PPDPF: variants seen among roughly 807,000 people sequenced by gnomAD.
PPDPF encodes pancreatic progenitor cell differentiation and proliferation factor.
PPDPF carries 11 observed loss-of-function variants against 6.3 expected under a neutral mutation model. The observed-to-expected ratio is 1.76, with a 90% CI of 1.11 to 2.91. The LOEUF (loss-of-function observed/expected upper bound fraction) is 2.91, where lower values mean the gene tolerates loss of function less well. PPDPF is among the 30% of genes most tolerant of loss of function. The pLI, the probability that PPDPF is intolerant of heterozygous loss-of-function variation, is 0.00. For synonymous variants in PPDPF, 86 were observed against 64.5 expected, an observed-to-expected ratio of 1.33 and a Z score of -1.60; for missense variants, 202 against 159.4, an observed-to-expected ratio of 1.27 and a Z score of -1.44.
intron 1 of PPDPF, 39 bp from the exon 2 acceptor site, chr20:63,521,245 G>T: frequency 2.6e-6 from 4 of 1,509,726 alleles, no homozygotes; most frequent in South Asian, 2.4e-5. Flanking sequence ...CATGACGGAA[G>T]GCCGCTGACC....
In PPDPF at chr20:63,521,945, C is replaced by T. The variant is rs1600925343; in HGVS notation, c.*66C>T. On this transcript the variant is annotated 3_prime_UTR_variant, in exon 4 of 4. Coordinates refer to ENST00000370179, the MANE Select transcript of PPDPF (RefSeq NM_024299.4). ...AGTCCACCAGAGCCCCTCCCCGCCC[C>T]TCTCCCCACTCCGCATCCCTCGCCC... 4.8e-6 allele frequency: 6 copies of T among 1,262,678 alleles called. No homozygotes were observed. The South Asian group carries it at 5.7e-5, about 12-fold the overall frequency. The allele number at this position is 1,262,678 out of a possible 1,614,324, so 78.2% of individuals were successfully genotyped here. A position where few individuals can be genotyped will look rare whatever the true frequency, so the allele number is the denominator to read the frequency against.
At position 63,521,752 on chromosome 20, in the gene PPDPF, A is replaced by G; in HGVS notation, c.218A>G (p.Glu73Gly). The change falls in exon 4 of 4, where the codon GAG (glutamate) becomes GGG (glycine). Residue 73 changes from glutamate to glycine, a missense_variant. Glu to Gly is a moderately conservative substitution (Grantham distance 98). Coordinates refer to ENST00000370179, the MANE Select transcript of PPDPF (RefSeq NM_024299.4). The stretch of plus-strand genomic sequence containing the variant: ...CTCCCGTTCATGGCCACGGTGTTGG[A>G]GTCCGCAGAGCACTCGGAACCTCCC... ...STLPFMATVLESAEHSEPPQA... is the reference protein window; with the variant it reads ...STLPFMATVLGSAEHSEPPQA... The G allele has an allele frequency of 6.2e-7, 1 of 1,613,018 alleles. No homozygotes were observed. Among genetic ancestry groups the G allele is most frequent in the Non-Finnish European group, 8.5e-7 (1 of 1,179,994 alleles).
rs1416156727 is a variant in PPDPF, at chr20:63,521,004, G to T, written c.-26+110G>T. 3 of 899,636 alleles carry T rather than the reference G, an allele frequency of 3.3e-6. No individual in the cohort carries two copies. In the African/African-American group the frequency reaches 5.3e-5, roughly 16 times the overall value. The allele number at this position is 899,636 out of a possible 1,614,324, so 55.7% of individuals were successfully genotyped here. A position where few individuals can be genotyped will look rare whatever the true frequency, so the allele number is the denominator to read the frequency against. On this transcript the variant is annotated intron_variant, in intron 1 of 3. Transcript: ENST00000370179. ...CTCCGCCTGGCGAGCGCTGGGCTCG[G>T]GGTCCCCGGCGGGCTCCTCTCGGGT...
At chr20:63,521,442 G>T in intron 2 of PPDPF, 70 bp from the exon 3 acceptor site, 4 of 1,577,672 alleles carry the variant, frequency 2.5e-6, no homozygotes, top group Non-Finnish European at 3.5e-6. Context: ...CGGAACCAGC[G>T]CTCGGCCTGA....
rs766158867 is a variant in PPDPF, at chr20:63,521,824, CG to C, written c.291del (p.Arg98GlyfsTer60). ...GCCTGTGGCCTGGCTCGGGACGCCC[CG>C]AGGAAGCAGCCCGGCGGTCAGTCCA... ...MTACGLARDA[P>X]RKQPGGQSST... On this transcript the variant is annotated frameshift_variant, in exon 4 of 4. Coordinates refer to ENST00000370179, the MANE Select transcript of PPDPF (RefSeq NM_024299.4). LOFTEE classifies it low-confidence loss of function (END_TRUNC). 6.2e-7 allele frequency: 1 copy of C among 1,610,798 alleles called. No individual in the cohort carries two copies. The highest frequency in any genetic ancestry group is 1.3e-5 in the African/African-American group (1 of 74,974).
intron 2 of PPDPF, 68 bp downstream of exon 2, chr20:63,521,431 G>A: frequency 4.4e-6 from 7 of 1,582,974 alleles, no homozygotes; most frequent in Non-Finnish European, 6.0e-6. Context: ...CGTGCAGGCT[G>A]CGGAACCAGC....
chr20:63,521,578 C>G lies in PPDPF; in HGVS notation c.122C>G (p.Pro41Arg). 1 of 1,609,208 alleles carries G rather than the reference C, an allele frequency of 6.2e-7. No individual in the cohort carries two copies. The highest frequency in any genetic ancestry group is 8.5e-7 in the Non-Finnish European group (1 of 1,177,816). The change falls in exon 3 of 4, where the codon CCC becomes CGC. Residue 41 changes from proline (P) to arginine (R), a missense_variant. By Grantham distance (103) the Pro-to-Arg change is moderately radical. Transcript: ENST00000370179. ...ACCGAGTGCCCCGGGGAAGCCATTCCCCACCCCCCAGGTGAGTGCAGGATC... is the reference window on the plus strand; with the variant it reads ...ACCGAGTGCCCCGGGGAAGCCATTCGCCACCCCCCAGGTGAGTGCAGGATC... The part of the protein sequence containing the change: ...SSTECPGEAI[P>R]HPPGLPKADP...
intron 2 of PPDPF, 54 bp downstream of exon 2, chr20:63,521,417 GC>G (rs2082544002): frequency 1.3e-6 from 2 of 1,589,964 alleles, no homozygotes; most frequent in South Asian, 1.1e-5. Flanking sequence ...GCCAGTGCCG[GC>G]CCCGTGCAGG....
In PPDPF at chr20:63,520,908, C is replaced by G; in HGVS notation, c.-26+14C>G. The G allele has an allele frequency of 2.0e-6, 2 of 1,002,236 alleles. No homozygotes were observed. Among genetic ancestry groups the G allele is most frequent in the Non-Finnish European group, 2.4e-6 (2 of 841,824 alleles). The allele number at this position is 1,002,236 out of a possible 1,614,324, so 62.1% of individuals were successfully genotyped here. On this transcript the variant is annotated intron_variant, in intron 1 of 3. Coordinates refer to ENST00000370179, the MANE Select transcript of PPDPF (RefSeq NM_024299.4). ...GTCGCCGCCCAGGTGAGGGGCGCCGCGCGCGGGTGGGACGAGCAGGCCCGA... is the reference window on the plus strand; with the variant it reads ...GTCGCCGCCCAGGTGAGGGGCGCCGGGCGCGGGTGGGACGAGCAGGCCCGA...
intron 1 of PPDPF, among the ~76,000 whole-genome samples, 160 bp downstream of exon 1, chr20:63,521,054 C>T (rs914956946): frequency 2.6e-5 from 4 of 152,026 alleles, no homozygotes; most frequent in Non-Finnish European, 5.9e-5. Context: ...CGGCGCCCAC[C>T]AGGTTCCCGA....
In PPDPF at chr20:63,520,805, G is replaced by A. The variant is rs2082537387; in HGVS notation, c.-115G>A. 4 of 984,790 alleles carry A rather than the reference G, an allele frequency of 4.1e-6. No individual in the cohort carries two copies. In the South Asian group the frequency reaches 1.4e-4, roughly 35 times the overall value. 61.0% of individuals were successfully genotyped at this position (984,790 alleles called of 1,614,324 possible). ...CTCTGTCGTGGCGCGGCTTCCCGCG[G>A]TCTTCTCTGCAAATGGGCTCCGTGG... On this transcript the variant is annotated 5_prime_UTR_variant, in exon 1 of 4. Transcript: ENST00000370179.
rs1259594911 is a variant in PPDPF at position 63,520,768 on chromosome 20, C to CCGCG, written c.-146_-143dup. 1 of 984,804 alleles carries CCGCG rather than the reference C, an allele frequency of 1.0e-6. No homozygotes were observed. Among genetic ancestry groups the CCGCG allele is most frequent in the African/African-American group, 1.7e-5 (1 of 57,222 alleles). The allele number at this position is 984,804 out of a possible 1,614,324, so 61.0% of individuals were successfully genotyped here. A position where few individuals can be genotyped will look rare whatever the true frequency, so the allele number is the denominator to read the frequency against. ...GTGGGCGCGTCCGCGCGTGCGCACCCCGCGCGCGCCTCTCTGTCGTGGCGC... is the reference window on the plus strand; with the variant it reads ...GTGGGCGCGTCCGCGCGTGCGCACCCCGCGCGCGCGCGCCTCTCTGTCGTGGCGC... On this transcript the variant is annotated 5_prime_UTR_variant, in exon 1 of 4. Transcript: ENST00000370179.
Position 63,521,801 on chromosome 20 carries a change from C to T in PPDPF, c.267C>T (p.Ala89=). ...CCCAGGCCTCCAGCAGCATGACCGC[C>T]TGTGGCCTGGCTCGGGACGCCCCGA... ...EPPQASSSMT[A]CGLARDAPRK... The change falls in exon 4 of 4, where the codon GCC becomes GCT. Residue 89 remains alanine, a synonymous_variant. Coordinates refer to ENST00000370179, the MANE Select transcript of PPDPF (RefSeq NM_024299.4). 1 of 1,612,466 alleles carries T rather than the reference C, an allele frequency of 6.2e-7. No individual in the cohort carries two copies. The highest frequency in any genetic ancestry group is 8.5e-7 in the Non-Finnish European group (1 of 1,179,890).
Position 63,522,133 on chromosome 20 carries a change from C to T in PPDPF, c.*254C>T, listed in dbSNP as rs1416188086. ...GACACCTGGAACTGTGCACCTGGCA[C>T]CAAGCGGAAAATAAACTCCAAGCAG... On this transcript the variant is annotated 3_prime_UTR_variant, in exon 4 of 4. Transcript: ENST00000370179. 1 of 570,208 alleles carries T rather than the reference C, an allele frequency of 1.8e-6. No homozygotes were observed. The highest frequency in any genetic ancestry group is 1.9e-5 in the African/African-American group (1 of 52,050). 35.3% of individuals were successfully genotyped at this position (570,208 alleles called of 1,614,324 possible). A position where few individuals can be genotyped will look rare whatever the true frequency, so the allele number is the denominator to read the frequency against.
Position 63,521,773 on chromosome 20 carries a change from C to T in PPDPF, c.239C>T (p.Pro80Leu). Reference protein sequence around the residue: ...TVLESAEHSEPPQASSSMTAC... With the variant: ...TVLESAEHSELPQASSSMTAC... Reference sequence around the variant, plus strand: ...TTGGAGTCCGCAGAGCACTCGGAACCTCCCCAGGCCTCCAGCAGCATGACC... The same window carrying T: ...TTGGAGTCCGCAGAGCACTCGGAACTTCCCCAGGCCTCCAGCAGCATGACC... The change falls in exon 4 of 4, where the codon CCT becomes CTT. Residue 80 changes from proline (P) to leucine (L), a missense_variant. Physicochemically the swap from Pro to Leu is moderately conservative, Grantham distance 98 (BLOSUM62 -3). Transcript: ENST00000370179. 6.2e-7 allele frequency: 1 copy of T among 1,612,802 alleles called. No individual in the cohort carries two copies. Among genetic ancestry groups the T allele is most frequent in the Non-Finnish European group, 8.5e-7 (1 of 1,179,944 alleles).
intron 2 of PPDPF, 44 bp from the exon 3 acceptor site, chr20:63,521,468 G>A (rs752993652): frequency 1.3e-6 from 2 of 1,559,958 alleles, no homozygotes; most frequent in Admixed American, 3.7e-5. Flanking sequence ...GGTGGGCTGG[G>A]GGGCTCCGCG....
At position 63,521,626 on chromosome 20, in the gene PPDPF, C is replaced by T. The variant is rs1461929919; in HGVS notation, c.133+37C>T. The T allele has an allele frequency of 4.3e-6, 7 of 1,611,006 alleles. No homozygotes were observed. In the East Asian group the frequency reaches 1.1e-4, roughly 26 times the overall value. Reference sequence around the variant, plus strand: ...ATCGCCCCTTTCTCCCCCCGCTCCTCCAGGAGCTGGCAGCATCAAGACCCC... The same window carrying T: ...ATCGCCCCTTTCTCCCCCCGCTCCTTCAGGAGCTGGCAGCATCAAGACCCC... On this transcript the variant is annotated intron_variant, in intron 3 of 3. Coordinates refer to ENST00000370179, the MANE Select transcript of PPDPF (RefSeq NM_024299.4).
rs1443717154 is a variant in PPDPF at position 63,520,851 on chromosome 20, C to T, written c.-69C>T. The T allele has an allele frequency of 1.0e-6, 1 of 988,484 alleles. No homozygotes were observed. Among genetic ancestry groups the T allele is most frequent in the African/African-American group, 1.7e-5 (1 of 57,318 alleles). 61.2% of individuals were successfully genotyped at this position (988,484 alleles called of 1,614,324 possible). ...CGTGGCCTAGCGCCCCCGTCCCCGC[C>T]ACCCGTGATCGTGCGCCGAGGCCCG... On this transcript the variant is annotated 5_prime_UTR_variant, in exon 1 of 4. Coordinates refer to ENST00000370179, the MANE Select transcript of PPDPF (RefSeq NM_024299.4).
In PPDPF at chr20:63,521,376, T is replaced by G. The variant is rs765093749; in HGVS notation, c.55+13T>G. The G allele has an allele frequency of 1.2e-6, 2 of 1,606,756 alleles. No homozygotes were observed. Among genetic ancestry groups the G allele is most frequent in the Non-Finnish European group, 1.7e-6 (2 of 1,176,724 alleles). ...GACTACTACCGGCGTGAGTAGCCCC[T>G]GCCCCCCATCCACGCGGATGCTCTG... On this transcript the variant is annotated intron_variant, in intron 2 of 3. Transcript: ENST00000370179.
Sources: allele counts gnomAD v4.1 joint callset (sites outside exome capture counted in the v4.1 genomes callset), GRCh38; gene constraint gnomAD v4.1.1; transcripts MANE v1.5; gene names NCBI Gene and HGNC (gene_info 2026-07-23, HGNC 2026-07-21).